Variants in SDK1 observed in about 807,000 individuals in gnomAD.
SDK1 encodes the protein protein sidekick-1.
A neutral mutation model predicts 245.5 loss-of-function variants in SDK1; 157 were observed. The observed-to-expected ratio is 0.64, with a 90% CI of 0.56 to 0.73. The LOEUF is 0.73. SDK1 is among the 30% of genes least tolerant of loss of function. SDK1 has a pLI of 0.00. For synonymous variants in SDK1, 1,647 were observed against 1,278.5 expected (o/e 1.29, Z -6.15); for missense variants, 3,583 against 3,002.3 (o/e 1.19, Z -4.52).
chr7:3,784,027 C>G (rs1330546789), intron 4 of SDK1, among the ~76,000 whole-genome samples: 1 of 151,926 alleles, frequency 6.6e-6, no homozygotes, highest in Non-Finnish European at 1.5e-5. Context: ...ACTAGAGACC[C>G]CAGAAATGAA....
chr7:3,433,693 T>C (rs977534098), intron 1 of SDK1, among the ~76,000 whole-genome samples: 1 of 152,174 alleles, frequency 6.6e-6, no homozygotes, highest in African/African-American at 2.4e-5. Flanking sequence ...TGGAAATCTT[T>C]TTGTCATTCC....
rs1230760972 is a variant in SDK1 at position 3,814,613 on chromosome 7, C to G, written c.714-6837C>G. 3.9e-5 allele frequency among the ~76,000 whole-genome samples: 6 copies of G among 151,914 alleles called. No homozygotes were observed. In the East Asian group the frequency reaches 1.2e-3, roughly 29 times the overall value. On this transcript the variant is annotated intron_variant, in intron 4 of 44. Coordinates refer to ENST00000404826, the MANE Select transcript of SDK1 (RefSeq NM_152744.4). ...TGATGCGGGCTCTTTTTTGGTTCCA[C>G]ATGAACTTTAAAGTAGTTTTTTCCA...
intron 20 of SDK1, among the ~76,000 whole-genome samples, chr7:4,071,166 A>G (rs950216854): frequency 6.6e-6 from 1 of 152,014 alleles, no homozygotes; most frequent in African/African-American, 2.4e-5. Context: ...CTGGGATTAC[A>G]GGTGTGCGCC....
At chr7:4,221,656 A>G (rs549672732) in intron 40 of SDK1, among the ~76,000 whole-genome samples, 1 of 152,322 alleles carries the variant, frequency 6.6e-6, no homozygotes, top group South Asian at 2.1e-4. Flanking sequence ...ATGAGAACTT[A>G]GGGACACTAA....
intron 1 of SDK1, among the ~76,000 whole-genome samples, chr7:3,306,327 A>AT (rs1278930935): frequency 6.6e-6 from 1 of 152,028 alleles, no homozygotes; most frequent in African/African-American, 2.4e-5. Flanking sequence ...CCCTACCCCA[A>AT]TTTTTCTTTC....
At chr7:4,043,849 G>A (rs995736170) in intron 17 of SDK1, among the ~76,000 whole-genome samples, 4 of 152,006 alleles carry the variant, frequency 2.6e-5, no homozygotes, top group East Asian at 1.9e-4. Flanking sequence ...TAAACCTACC[G>A]AGAATGAGAT....
intron 4 of SDK1, among the ~76,000 whole-genome samples, chr7:3,685,446 A>T (rs1010348237): frequency 6.6e-6 from 1 of 152,196 alleles, no homozygotes; most frequent in African/African-American, 2.4e-5. Flanking sequence ...AACCTGTCCT[A>T]TTGGGGAAGA....
At chr7:3,872,569 GT>G (rs1053362839) in intron 5 of SDK1, among the ~76,000 whole-genome samples, 1 of 136,350 alleles carries the variant, frequency 7.3e-6, no homozygotes, top group Non-Finnish European at 1.6e-5. Context: ...TCATAGGATT[GT>G]TTTTGGTATC....
chr7:3,567,746 C>T (rs569317533), intron 1 of SDK1, among the ~76,000 whole-genome samples: 47 of 152,144 alleles, frequency 3.1e-4, no homozygotes, highest in African/African-American at 1.1e-3. Flanking sequence ...GAGGGCTGTG[C>T]CTTTGATGGC....
intron 17 of SDK1, among the ~76,000 whole-genome samples, chr7:4,033,835 T>C (rs2128159557): frequency 6.6e-6 from 1 of 152,224 alleles, no homozygotes; most frequent in South Asian, 2.1e-4. Context: ...GCATTGCTGC[T>C]AGGAATGCAA....
At chr7:3,494,369 G>T (rs557265434) in intron 1 of SDK1, among the ~76,000 whole-genome samples, 1 of 152,294 alleles carries the variant, frequency 6.6e-6, no homozygotes, top group Admixed American at 6.5e-5. Flanking sequence ...TTAGTCTTGG[G>T]ACATTTAGGG....
At chr7:3,589,550 AAG>A (rs1348060163) in intron 1 of SDK1, among the ~76,000 whole-genome samples, 2 of 152,206 alleles carry the variant, frequency 1.3e-5, no homozygotes, top group Non-Finnish European at 2.9e-5. Context: ...TTATAAAGAA[AAG>A]AAGTTTAATG....
At chr7:3,820,659 T>A (rs897725028) in intron 4 of SDK1, among the ~76,000 whole-genome samples, 5 of 152,234 alleles carry the variant, frequency 3.3e-5, no homozygotes, top group African/African-American at 1.2e-4. Context: ...TGAGTATTAA[T>A]CTGCCTGTGA....
intron 1 of SDK1, among the ~76,000 whole-genome samples, chr7:3,590,691 C>T (rs1192036895): frequency 1.3e-5 from 2 of 151,884 alleles, no homozygotes; most frequent in Non-Finnish European, 2.9e-5. Context: ...ATTTACTTCA[C>T]AAGGGAAACC....
At chr7:4,029,786 T>C (rs970097275) in intron 17 of SDK1, among the ~76,000 whole-genome samples, 1 of 152,180 alleles carries the variant, frequency 6.6e-6, no homozygotes, top group Non-Finnish European at 1.5e-5. Context: ...CTGTCAAATA[T>C]GCAGGTGTCA....
intron 1 of SDK1, among the ~76,000 whole-genome samples, chr7:3,504,176 A>ATGTGTGTGTGTGTGTGTGTGTG: frequency 1.7e-5 from 1 of 58,326 alleles, no homozygotes; most frequent in South Asian, 9.9e-4. Context: ...AATTATATAT[A>ATGTGTGTGTGTGTGTGTGTGTG]TATATATGTG....
chr7:3,644,291 A>G (rs11976762), intron 4 of SDK1, among the ~76,000 whole-genome samples: 31,585 of 150,016 alleles, frequency 0.21, 3,602 homozygotes, highest in South Asian at 0.33. Flanking sequence ...TTAAAATTCT[A>G]GTAAAAATAC....
At chr7:3,743,368 A>G (rs1193059697) in intron 4 of SDK1, among the ~76,000 whole-genome samples, 1 of 152,160 alleles carries the variant, frequency 6.6e-6, no homozygotes, top group African/African-American at 2.4e-5. Context: ...TGAACCCAAA[A>G]CATTCAGCCC....
At chr7:3,373,466 C>G (rs1476296779) in intron 1 of SDK1, among the ~76,000 whole-genome samples, 2 of 152,130 alleles carry the variant, frequency 1.3e-5, no homozygotes, top group Non-Finnish European at 2.9e-5. Context: ...ACATCTATCC[C>G]TTCTAAAAAG....
Sources: gnomAD v4.1 joint callset for allele counts (sites outside exome capture counted in the v4.1 genomes callset) on GRCh38, gnomAD v4.1.1 for gene constraint, MANE v1.5 for transcripts, NCBI Gene and HGNC (gene_info 2026-07-23, HGNC 2026-07-21) for gene names.